The following MEI4 variants were observed in gnomAD, a reference collection of about 807,000 sequenced individuals.
MEI4 encodes the protein meiotic double-stranded break formation protein 4, also known as meiosis-specific protein MEI4.
A neutral mutation model predicts 31.4 loss-of-function variants in MEI4; 27 were observed. The observed-to-expected ratio is 0.86, with a 90% CI of 0.63 to 1.19. The LOEUF is 1.19. Ranked by LOEUF, MEI4 falls within the 50% of genes most tolerant of loss-of-function variation. The pLI, the probability that MEI4 is intolerant of heterozygous loss-of-function variation, is 0.00. For synonymous variants in MEI4, 122 were observed against 145.4 expected (o/e 0.84, Z 1.16); for missense variants, 329 against 398.9 (o/e 0.82, Z 1.49).
chr6:77,899,839 A>T (rs1324338005), intron 4 of MEI4, among the ~76,000 whole-genome samples: 2 of 151,998 alleles, frequency 1.3e-5, no homozygotes, highest in African/African-American at 4.8e-5. Context: ...TTGATTCCAT[A>T]TCTTGGCTAT....
At chr6:77,767,675 C>T (rs1042856610) in intron 3 of MEI4, among the ~76,000 whole-genome samples, 9 of 145,770 alleles carry the variant, frequency 6.2e-5, no homozygotes, top group Non-Finnish European at 3.0e-5. Flanking sequence ...CTAGCCTGGG[C>T]CACAGAGCAG....
chr6:77,717,856 T>C (rs1223917604), intron 2 of MEI4, among the ~76,000 whole-genome samples: 32 of 111,544 alleles, frequency 2.9e-4, no homozygotes, highest in Non-Finnish European at 4.9e-4. Context: ...TGTCTACTTC[T>C]TTCTACACAG....
chr6:77,667,225 G>C (rs1378088450), intron 1 of MEI4, among the ~76,000 whole-genome samples: 1 of 152,082 alleles, frequency 6.6e-6, no homozygotes, highest in Non-Finnish European at 1.5e-5. Flanking sequence ...TGAATATAAA[G>C]TGAATTCAGA....
At chr6:77,650,317 C>T (rs1362923842), upstream of MEI4, among the ~76,000 whole-genome samples, 1 of 152,210 alleles carries the variant, frequency 6.6e-6, no homozygotes, top group African/African-American at 2.4e-5. Flanking sequence ...TCGTCTCCTC[C>T]TCGGAACAGC....
At chr6:77,729,875 A>T (rs988629008) in intron 2 of MEI4, among the ~76,000 whole-genome samples, 2 of 152,184 alleles carry the variant, frequency 1.3e-5, no homozygotes, top group East Asian at 3.9e-4. Context: ...TCTGATTTTC[A>T]ATAAAGAAAG....
chr6:77,796,657 A>G (rs1181225626), intron 3 of MEI4, among the ~76,000 whole-genome samples: 1 of 152,224 alleles, frequency 6.6e-6, no homozygotes, highest in Non-Finnish European at 1.5e-5. Context: ...GAGGTGTAAA[A>G]TCTGTACAAT....
At chr6:77,762,399 A>G (rs993841099) in intron 3 of MEI4, among the ~76,000 whole-genome samples, 3 of 152,102 alleles carry the variant, frequency 2.0e-5, no homozygotes, top group Admixed American at 1.3e-4. Flanking sequence ...TCTTTTTCAT[A>G]TTATTTCTGC....
intron 3 of MEI4, among the ~76,000 whole-genome samples, chr6:77,815,343 A>G (rs551916871): frequency 6.6e-6 from 1 of 152,276 alleles, no homozygotes; most frequent in East Asian, 1.9e-4. Flanking sequence ...CATGTGAGCA[A>G]TAATAATATT....
At chr6:77,917,243 G>A (rs1319364009) in intron 4 of MEI4, among the ~76,000 whole-genome samples, 2 of 151,688 alleles carry the variant, frequency 1.3e-5, no homozygotes, top group Non-Finnish European at 2.9e-5. Flanking sequence ...GTGTGCATGT[G>A]TCTTTATAGC....
At chr6:77,697,626 G>A (rs1163085967) in intron 2 of MEI4, among the ~76,000 whole-genome samples, 5 of 152,106 alleles carry the variant, frequency 3.3e-5, no homozygotes, top group Non-Finnish European at 5.9e-5. Flanking sequence ...ACTGTGGTCT[G>A]AAAGACAGTT....
intron 4 of MEI4, among the ~76,000 whole-genome samples, chr6:77,860,663 G>C (rs1420079414): frequency 6.6e-6 from 1 of 151,650 alleles, no homozygotes; most frequent in East Asian, 1.9e-4. Context: ...GAGCAAAATG[G>C]ATATATAGAC....
chr6:77,841,338 T>A (rs1442630656), intron 4 of MEI4, among the ~76,000 whole-genome samples: 1,876 of 99,978 alleles, frequency 0.019, 11 homozygotes, highest in East Asian at 0.037. Context: ...TATATATTTT[T>A]TTTTTTTTTT....
chr6:77,817,303 AG>A (rs1240244799), intron 3 of MEI4, among the ~76,000 whole-genome samples: 1 of 152,128 alleles, frequency 6.6e-6, no homozygotes, highest in Non-Finnish European at 1.5e-5. Context: ...TGGTACTGTG[AG>A]GATAGGGATG....
At chr6:77,671,051 G>GTTTT (rs1345853480) in intron 1 of MEI4, among the ~76,000 whole-genome samples, 2 of 132,710 alleles carry the variant, frequency 1.5e-5, no homozygotes, top group Non-Finnish European at 3.3e-5. Context: ...TTTGTGAATT[G>GTTTT]TTGTTTTTTT....
At chr6:77,661,581 G>A (rs1768510989) in intron 1 of MEI4, among the ~76,000 whole-genome samples, 1 of 152,162 alleles carries the variant, frequency 6.6e-6, no homozygotes, top group South Asian at 2.1e-4. Flanking sequence ...AATCCTTGAG[G>A]GGTAGTAGAA....
Position 77,891,375 on chromosome 6 carries a change from C to T in MEI4, c.901-31714C>T, listed in dbSNP as rs531557721. ...TCAGACAGGTTATTTTCAAGTTCAA[C>T]GATTATTTTGCTTATGAAGTCTATT... is the stretch of plus-strand genomic sequence containing the variant. On this transcript the variant is annotated intron_variant, in intron 4 of 4. Transcript: ENST00000684080. Among the ~76,000 whole-genome samples, 49 of 151,988 alleles carry T rather than the reference C, an allele frequency of 3.2e-4. No homozygotes were observed. The South Asian group carries it at 5.6e-3, about 17-fold the overall frequency.
At chr6:77,678,126 A>G (rs1209935470) in intron 1 of MEI4, among the ~76,000 whole-genome samples, 1 of 152,220 alleles carries the variant, frequency 6.6e-6, no homozygotes, top group Non-Finnish European at 1.5e-5. Context: ...CATTTATCAG[A>G]TGAAATAGAT....
intron 2 of MEI4, among the ~76,000 whole-genome samples, chr6:77,728,871 G>T (rs1766896848): frequency 6.6e-6 from 1 of 152,182 alleles, no homozygotes. Context: ...ATTCTTTGGT[G>T]AACTTTAGGA....
At chr6:77,813,066 TTTTGGTTG>T (rs1769611707) in intron 3 of MEI4, among the ~76,000 whole-genome samples, 1 of 152,072 alleles carries the variant, frequency 6.6e-6, no homozygotes, top group African/African-American at 2.4e-5. Context: ...GAGTAGGTTA[TTTTGGTTG>T]GATAAAAATC....
Sources: allele counts gnomAD v4.1 joint callset (sites outside exome capture counted in the v4.1 genomes callset), GRCh38; gene constraint gnomAD v4.1.1; transcripts MANE v1.5; gene names NCBI Gene and HGNC (gene_info 2026-07-23, HGNC 2026-07-21).